Variants in SLC22A11 observed in about 807,000 individuals in gnomAD.
SLC22A11 encodes organic anion transporter 4.
In SLC22A11, 42 loss-of-function variants were observed where a neutral mutation model predicts 49.4. The observed-to-expected ratio is 0.85, with a 90% CI of 0.66 to 1.10. SLC22A11 has a LOEUF of 1.10. SLC22A11 is among the 50% of genes least tolerant of loss of function. SLC22A11 has a pLI of 0.00. For missense variants in SLC22A11, 685 were observed against 731.6 expected, an observed-to-expected ratio of 0.94 and a Z score of 0.74; for synonymous variants, 304 against 315.8, an observed-to-expected ratio of 0.96 and a Z score of 0.40.
intron 7 of SLC22A11, 27 bp downstream of exon 7, chr11:64,567,840 A>T: frequency 6.5e-7 from 1 of 1,547,200 alleles, no homozygotes. Flanking sequence ...GGGCGGTGGG[A>T]CCGGGCCCTG....
In SLC22A11 at chr11:64,572,091, C is replaced by G. The variant is rs1368441512; in HGVS notation, c.*1049C>G. 2.0e-5 allele frequency: 3 copies of G among 152,332 alleles called. No homozygotes were observed. The highest frequency in any genetic ancestry group is 4.8e-5 in the African/African-American group (2 of 41,456). 9.4% of individuals were successfully genotyped at this position (152,332 alleles called of 1,614,324 possible). On this transcript the variant is annotated 3_prime_UTR_variant, in exon 10 of 10. Coordinates refer to ENST00000301891, the MANE Select transcript of SLC22A11 (RefSeq NM_018484.4). ...AAGGGGAGCTCACAGGCAGGCCTGC[C>G]AAGGCCTTCTGGCTTTGCCAGATGT...
At chr11:64,559,561 T>C (rs936263294) in intron 2 of SLC22A11, among the ~76,000 whole-genome samples, 2 of 152,178 alleles carry the variant, frequency 1.3e-5, no homozygotes, top group African/African-American at 4.8e-5. Flanking sequence ...TTGGACCCTG[T>C]GCCTCAAAGT....
chr11:64,567,811 A>G lies in SLC22A11; in HGVS notation c.1271A>G (p.Gln424Arg). 1 of 1,587,162 alleles carries G rather than the reference A, an allele frequency of 6.3e-7. No homozygotes were observed. ...ATTCTAGCCAACATGCTGGTGCCGC[A>G]AGGTGAGGCAGGCGGACTGGGCGGT... ...LAILANMLVP[Q>R]DLQTLRVVFA... Residue 424 changes from glutamine (Q) to arginine (R), a missense_variant and splice_region_variant, in exon 7 of 10, where the codon CAA becomes CGA. Transcript: ENST00000301891.
In SLC22A11 at chr11:64,562,444, GA is replaced by G; in HGVS notation, c.821+10del. ...ATCTCCCTGATATCCTGGTCAGTAT[GA>G]TGTGGGACCTTTTCCTTAGGAGACC... On this transcript the variant is annotated intron_variant, in intron 4 of 9. Coordinates refer to ENST00000301891, the MANE Select transcript of SLC22A11 (RefSeq NM_018484.4). This position sits in a 1 kb window ranked among gnomAD's most constrained non-coding sequence, Gnocchi z 4.4. 1 of 1,544,154 alleles carries G rather than the reference GA, an allele frequency of 6.5e-7. No homozygotes were observed. Among genetic ancestry groups the G allele is most frequent in the Non-Finnish European group, 8.7e-7 (1 of 1,145,274 alleles).
At chr11:64,569,581 G>A in intron 8 of SLC22A11, 71 bp from the exon 9 acceptor site, 1 of 1,494,738 alleles carries the variant, frequency 6.7e-7, no homozygotes, top group Non-Finnish European at 9.1e-7. Context: ...CCTGGCATCT[G>A]TGAGCCCAGG....
chr11:64,559,208 G>C lies in SLC22A11; in HGVS notation c.467G>C (p.Gly156Ala). Residue 156 changes from glycine to alanine, a missense_variant, in exon 2 of 10, where the codon GGC becomes GCC. Gly to Ala is a moderately conservative substitution (Grantham distance 60). Transcript: ENST00000301891. ...ATCTTCATGTCCGGGATCCTGGTGG[G>C]CTCCTTTATCTGGGGCCTCCTCTCC... ...QSIFMSGILV[G>A]SFIWGLLSYR... The C allele has an allele frequency of 6.2e-7, 1 of 1,610,646 alleles. No homozygotes were observed.
At chr11:64,556,475 A>G in intron 1 of SLC22A11, 83 bp downstream of exon 1, 1 of 1,538,954 alleles carries the variant, frequency 6.5e-7, no homozygotes, top group Non-Finnish European at 8.7e-7. Flanking sequence ...TCCAAGGTCC[A>G]GTCCTGGGAG....
rs946785050 is a variant in SLC22A11, at chr11:64,562,094, C to T, written c.588C>T (p.Tyr196=). The T allele has an allele frequency of 2.5e-6, 4 of 1,613,948 alleles. No individual in the cohort carries two copies. Among genetic ancestry groups the T allele is most frequent in the Non-Finnish European group, 3.4e-6 (4 of 1,180,036 alleles). ...STIFAPTFVI[Y]CGLRFVAAFG... is the part of the protein sequence containing the mutation. The stretch of plus-strand genomic sequence containing the variant: ...TCTTCGCCCCAACATTCGTCATCTA[C>T]TGCGGCCTGCGGTTCGTGGCCGCTT... The change falls in exon 3 of 10, where the codon TAC becomes TAT. Residue 196 remains tyrosine (Y), a synonymous_variant. Transcript: ENST00000301891. This position sits in a 1 kb window ranked among gnomAD's most constrained non-coding sequence, Gnocchi z 4.4.
At position 64,571,268 on chromosome 11, in the gene SLC22A11, G is replaced by T; in HGVS notation, c.*226G>T. On this transcript the variant is annotated 3_prime_UTR_variant, in exon 10 of 10. Coordinates refer to ENST00000301891, the MANE Select transcript of SLC22A11 (RefSeq NM_018484.4). ...TGATCAGATTCCCCACCTTACCCGGGCCCTACAGGAGCCTGTGCAGATGGC... is the reference window on the plus strand; with the variant it reads ...TGATCAGATTCCCCACCTTACCCGGTCCCTACAGGAGCCTGTGCAGATGGC... The T allele has an allele frequency of 3.5e-6, 2 of 568,788 alleles. No individual in the cohort carries two copies. The highest frequency in any genetic ancestry group is 6.3e-6 in the Non-Finnish European group (2 of 319,008). 35.2% of individuals were successfully genotyped at this position (568,788 alleles called of 1,614,324 possible). A position where few individuals can be genotyped will look rare whatever the true frequency, so the allele number is the denominator to read the frequency against.
intron 9 of SLC22A11, 52 bp from the exon 10 acceptor site, chr11:64,570,927 G>A (rs949235128): frequency 2.5e-6 from 4 of 1,598,280 alleles, no homozygotes; most frequent in Non-Finnish European, 3.4e-6. Flanking sequence ...CCCAAGCTCC[G>A]AGTACATACC....
chr11:64,569,479 A>T (rs1486074821), intron 8 of SLC22A11, among the ~76,000 whole-genome samples, 173 bp from the exon 9 acceptor site: 1 of 152,264 alleles, frequency 6.6e-6, no homozygotes, highest in Admixed American at 6.5e-5. Context: ...CCCCTGAAAC[A>T]CTAGATGCAA....
intron 7 of SLC22A11, among the ~76,000 whole-genome samples, chr11:64,568,227 G>A (rs995061219): frequency 6.6e-6 from 1 of 152,222 alleles, no homozygotes; most frequent in Non-Finnish European, 1.5e-5. Context: ...CGTTGGGGAG[G>A]CCAGGCCTGC....
Position 64,571,143 on chromosome 11 carries a change from C to G in SLC22A11, c.*101C>G. The G allele has an allele frequency of 7.5e-7, 1 of 1,340,086 alleles. No individual in the cohort carries two copies. 83.0% of individuals were successfully genotyped at this position (1,340,086 alleles called of 1,614,324 possible). A position where few individuals can be genotyped will look rare whatever the true frequency, so the allele number is the denominator to read the frequency against. On this transcript the variant is annotated 3_prime_UTR_variant, in exon 10 of 10. Transcript: ENST00000301891. ...AGGCGAGTTGGGCGACTTCAAGGGC[C>G]TGGCATGGCAGAGGCCAGGCAGCCG...
intron 7 of SLC22A11, among the ~76,000 whole-genome samples, chr11:64,568,386 G>A (rs2038657301): frequency 6.6e-6 from 1 of 152,204 alleles, no homozygotes; most frequent in Non-Finnish European, 1.5e-5. Context: ...CCTAGGAGCC[G>A]CGGTGGGGGG....
chr11:64,557,582 A>G (rs769868446), intron 1 of SLC22A11, among the ~76,000 whole-genome samples: 27 of 151,536 alleles, frequency 1.8e-4, no homozygotes, highest in Non-Finnish European at 3.4e-4. Flanking sequence ...CTGAGGGGCC[A>G]GAAGCAGGTG....
chr11:64,569,678 C>T lies in SLC22A11; in HGVS notation c.1409C>T (p.Thr470Ile). The T allele has an allele frequency of 6.2e-7, 1 of 1,614,138 alleles. No individual in the cohort carries two copies. The highest frequency in any genetic ancestry group is 1.1e-5 in the South Asian group (1 of 91,070). ...ATGACAGCAGATGGCATTCTGCATA[C>T]AGTGGGCCGGCTGGGGGCTATGATG... Reference protein sequence around the residue: ...VRMTADGILHTVGRLGAMMGP... With the variant: ...VRMTADGILHIVGRLGAMMGP... Residue 470 changes from threonine (T) to isoleucine (I), a missense_variant, in exon 9 of 10, where the codon ACA becomes ATA. Coordinates refer to ENST00000301891, the MANE Select transcript of SLC22A11 (RefSeq NM_018484.4).
rs2038705992 is a variant in SLC22A11 at position 64,571,678 on chromosome 11, A to C, written c.*636A>C. 6.6e-6 allele frequency: 1 copy of C among 152,472 alleles called. No individual in the cohort carries two copies. The highest frequency in any genetic ancestry group is 1.5e-5 in the Non-Finnish European group (1 of 68,232). The allele number at this position is 152,472 out of a possible 1,614,324, so 9.4% of individuals were successfully genotyped here. On this transcript the variant is annotated 3_prime_UTR_variant, in exon 10 of 10. Transcript: ENST00000301891. ...AAAGGAGCTGTTTTAATCACTTTTC[A>C]TTTACTCATCAGTGAGGGAGGGCTT...
Position 64,562,593 on chromosome 11 carries a change from G to C in SLC22A11, c.821+158G>C, listed in dbSNP as rs1371429041. Among the ~76,000 whole-genome samples the C allele has an allele frequency of 6.6e-6, 1 of 152,138 alleles. No individual in the cohort carries two copies. Among genetic ancestry groups the C allele is most frequent in the African/African-American group, 2.4e-5 (1 of 41,436 alleles). On this transcript the variant is annotated intron_variant, in intron 4 of 9. Transcript: ENST00000301891. The surrounding 1 kb of genome is among the most constrained non-coding windows in gnomAD (Gnocchi z 4.4). ...TCGCTAGGGAGGGACATTGGTGATT[G>C]GCAGTCCTGGGCTAAGTGTTGCAGC...
At chr11:64,568,430 G>T (rs556669599) in intron 7 of SLC22A11, among the ~76,000 whole-genome samples, 1 of 152,330 alleles carries the variant, frequency 6.6e-6, no homozygotes, top group African/African-American at 2.4e-5. Context: ...GGCCGGCCAG[G>T]CTCAGCTACC....
Sources: allele counts gnomAD v4.1 joint callset (sites outside exome capture counted in the v4.1 genomes callset), GRCh38; gene constraint gnomAD v4.1.1; non-coding constraint Gnocchi (gnomAD v3.1); transcripts MANE v1.5; gene names NCBI Gene and HGNC (gene_info 2026-07-23, HGNC 2026-07-21).